Variants in PHIP observed in about 807,000 individuals in gnomAD.
The protein encoded by PHIP is PH-interacting protein.
In PHIP, 54 loss-of-function variants were observed where a neutral mutation model predicts 236.8. The ratio of observed to expected loss-of-function variants is 0.23; its 90% confidence interval spans 0.18 to 0.29. The LOEUF is 0.29. Ranked by LOEUF, PHIP falls within the 10% of genes least tolerant of loss-of-function variation. PHIP has a pLI of 1.00. For synonymous variants in PHIP, 756 were observed against 718.9 expected, an observed-to-expected ratio of 1.05 and a Z score of -0.83; for missense variants, 1,370 against 2,190.8, an observed-to-expected ratio of 0.63 and a Z score of 7.48.
chr6:78,950,763 T>C (rs576129388), intron 35 of PHIP, among the ~76,000 whole-genome samples: 1 of 152,270 alleles, frequency 6.6e-6, no homozygotes, highest in African/African-American at 2.4e-5. Flanking sequence ...CAGAGGCTTG[T>C]CAATTCTGTT....
At chr6:79,036,207 T>C (rs954490595) in intron 7 of PHIP, among the ~76,000 whole-genome samples, 4 of 152,238 alleles carry the variant, frequency 2.6e-5, no homozygotes, top group African/African-American at 9.6e-5. Flanking sequence ...GAACATTTCA[T>C]ATTGAAAAGT....
chr6:78,996,567 A>T (rs942077615), intron 19 of PHIP, among the ~76,000 whole-genome samples: 3 of 152,236 alleles, frequency 2.0e-5, no homozygotes, highest in Non-Finnish European at 4.4e-5. Context: ...ATGTGAGTTA[A>T]TTAATTTATG....
chr6:78,943,185 A>G (rs1258385502), intron 39 of PHIP, among the ~76,000 whole-genome samples: 1 of 152,174 alleles, frequency 6.6e-6, no homozygotes, highest in Non-Finnish European at 1.5e-5. Flanking sequence ...AAAATTACAT[A>G]TATGGCTTGT....
intron 24 of PHIP, among the ~76,000 whole-genome samples, chr6:78,975,536 G>A (rs1767989342): frequency 6.6e-6 from 1 of 151,886 alleles, no homozygotes; most frequent in African/African-American, 2.4e-5. Flanking sequence ...CAATTAGGCA[G>A]GAGAAGGAAA....
intron 4 of PHIP, among the ~76,000 whole-genome samples, chr6:79,063,464 C>T (rs1019447120): frequency 8.5e-5 from 13 of 152,128 alleles, no homozygotes; most frequent in East Asian, 3.9e-4. Context: ...TCACCCAGGA[C>T]GGAGTACAAT....
At position 79,019,191 on chromosome 6, in the gene PHIP, T is replaced by C. The variant is rs1331296537; in HGVS notation, c.924-32A>G. ...TACAAAAAATAAAGAATTAAAAATA[T>C]CCTAAAGGAACCAGTAGCAGCAGAA... On this transcript the variant is annotated intron_variant, in intron 9 of 39. Transcript: ENST00000275034. The C allele has an allele frequency of 3.4e-6, 5 of 1,461,516 alleles. No homozygotes were observed. The Admixed American group carries it at 5.1e-5, about 15-fold the overall frequency. 90.5% of individuals were successfully genotyped at this position (1,461,516 alleles called of 1,614,324 possible). A position where few individuals can be genotyped will look rare whatever the true frequency, so the allele number is the denominator to read the frequency against.
intron 6 of PHIP, among the ~76,000 whole-genome samples, chr6:79,046,162 A>C (rs1383445255): frequency 6.6e-6 from 1 of 152,070 alleles, no homozygotes; most frequent in African/African-American, 2.4e-5. Flanking sequence ...CAGCCACTCC[A>C]ATCTCCTGTT....
chr6:79,038,194 A>C (rs900988363), intron 7 of PHIP, among the ~76,000 whole-genome samples: 6 of 152,222 alleles, frequency 3.9e-5, no homozygotes, highest in Non-Finnish European at 1.5e-5. Flanking sequence ...GACACTTGTT[A>C]ATTTGTAAAC....
chr6:78,943,373 C>T (rs564295079), intron 39 of PHIP, among the ~76,000 whole-genome samples: 7 of 152,196 alleles, frequency 4.6e-5, no homozygotes, highest in African/African-American at 9.6e-5. Context: ...ACCAGACCTC[C>T]GCTATCATAA....
intron 6 of PHIP, among the ~76,000 whole-genome samples, chr6:79,045,490 A>T (rs548716974): frequency 6.6e-6 from 1 of 152,264 alleles, no homozygotes; most frequent in South Asian, 2.1e-4. Context: ...AAATTCTCTT[A>T]TATTTCTCAA....
chr6:79,023,244 T>TTTG (rs1008901412), intron 9 of PHIP, among the ~76,000 whole-genome samples: 2 of 151,920 alleles, frequency 1.3e-5, no homozygotes, highest in East Asian at 1.9e-4. Context: ...ATGTCTGGCG[T>TTTG]TTGTTGTTGT....
chr6:79,033,277 A>G (rs1029811668), intron 7 of PHIP, among the ~76,000 whole-genome samples: 7 of 152,208 alleles, frequency 4.6e-5, no homozygotes, highest in African/African-American at 1.7e-4. Flanking sequence ...CCCTGAACAA[A>G]AGAGTCAGCC....
At chr6:78,985,019 TTAACTCA>T (rs202010900) in intron 22 of PHIP, among the ~76,000 whole-genome samples, 1,910 of 152,268 alleles carry the variant, frequency 0.013, 36 homozygotes, top group African/African-American at 0.043. Context: ...TATAAGATAG[TTAACTCA>T]GGAGGCTTGC....
intron 23 of PHIP, among the ~76,000 whole-genome samples, chr6:78,979,093 T>C (rs1426886767): frequency 6.6e-6 from 1 of 152,122 alleles, no homozygotes; most frequent in Non-Finnish European, 1.5e-5. Flanking sequence ...TGCCATTTTT[T>C]ATAAGAGACT....
chr6:79,016,681 T>C (rs377718846), intron 12 of PHIP, 39 bp from the exon 13 acceptor site: 9 of 1,252,816 alleles, frequency 7.2e-6, no homozygotes, highest in Middle Eastern at 3.7e-4. Flanking sequence ...AGAAAAATCA[T>C]ACATGCTTTA....
chr6:79,059,590 A>ATTAT, intron 6 of PHIP, among the ~76,000 whole-genome samples: 8 of 48,596 alleles, frequency 1.6e-4, no homozygotes, highest in African/African-American at 6.0e-4. Flanking sequence ...TGAAAGCAAA[A>ATTAT]TTATATATAT....
In PHIP at chr6:79,077,874, G is replaced by C; in HGVS notation, c.80C>G (p.Pro27Arg). The change falls in exon 2 of 40, where the codon CCC becomes CGC. Residue 27 changes from proline to arginine, a missense_variant. Transcript: ENST00000275034. ...FLIARFLEDGPCQQAAQVLIR... is the reference protein window; with the variant it reads ...FLIARFLEDGRCQQAAQVLIR... ...CCGTACCTGAGCCGCCTGCTGACAGGGTCCATCTTCCAGGAACCGGGCGAT... is the reference window on the plus strand; with the variant it reads ...CCGTACCTGAGCCGCCTGCTGACAGCGTCCATCTTCCAGGAACCGGGCGAT... 1 of 1,572,846 alleles carries C rather than the reference G, an allele frequency of 6.4e-7. No individual in the cohort carries two copies.
chr6:78,946,900 A>G (rs746569362), intron 36 of PHIP, 26 bp from the exon 37 acceptor site: 1 of 1,502,132 alleles, frequency 6.7e-7, no homozygotes, highest in East Asian at 2.5e-5. Context: ...AAAAGTGTTC[A>G]ACCATTCCTT....
chr6:78,983,262 A>G (rs1768658669), intron 22 of PHIP, 145 bp from the exon 23 acceptor site: 1 of 443,790 alleles, frequency 2.3e-6, no homozygotes. Context: ...TTTTCAACTC[A>G]TCTTCAAAAG....
Sources: allele counts gnomAD v4.1 joint callset (sites outside exome capture counted in the v4.1 genomes callset), GRCh38; gene constraint gnomAD v4.1.1; transcripts MANE v1.5; gene names NCBI Gene and HGNC (gene_info 2026-07-23, HGNC 2026-07-21).